The following EMILIN2 variants were observed in gnomAD, a reference collection of about 807,000 sequenced individuals.
EMILIN2 encodes the protein elastin microfibril interfacer 2.
A neutral mutation model predicts 87.1 loss-of-function variants in EMILIN2; 71 were observed. The observed-to-expected ratio is 0.82, with a 90% CI of 0.67 to 0.99. EMILIN2 has a LOEUF of 0.99. Among genes scored for constraint, EMILIN2 ranks in the 50% least tolerant of loss-of-function variants. The pLI is 0.00. For missense variants in EMILIN2, 1,407 were observed against 1,371.8 expected, an observed-to-expected ratio of 1.03 and a Z score of -0.40; for synonymous variants, 581 against 563.4, an observed-to-expected ratio of 1.03 and a Z score of -0.44.
In EMILIN2 at chr18:2,858,591, A is replaced by G. The variant is rs1231523504; in HGVS notation, c.257+10660A>G. Among the ~76,000 whole-genome samples the G allele has an allele frequency of 8.3e-4, 88 of 106,558 alleles. 7 individuals carry two copies. Among genetic ancestry groups the G allele is most frequent in the African/African-American group, 4.6e-3 (82 of 17,868 alleles). The allele number at this position is 106,558 out of a possible 152,430, so 69.9% of individuals were successfully genotyped here. On this transcript the variant is annotated intron_variant, in intron 2 of 7. Coordinates refer to ENST00000254528, the MANE Select transcript of EMILIN2 (RefSeq NM_032048.3). ...TATATGTGTGTGTGTGTGTATATAT[A>G]TATATATATATGTGTATATATATAT...
At position 2,906,813 on chromosome 18, in the gene EMILIN2, C is replaced by T; in HGVS notation, c.2390C>T (p.Ala797Val). 1 of 1,318,464 alleles carries T rather than the reference C, an allele frequency of 7.6e-7. No homozygotes were observed. The highest frequency in any genetic ancestry group is 9.6e-7 in the Non-Finnish European group (1 of 1,039,092). 81.7% of individuals were successfully genotyped at this position (1,318,464 alleles called of 1,614,324 possible). Residue 797 changes from alanine (A) to valine (V), a missense_variant, in exon 5 of 8, where the codon GCC (alanine) becomes GTC (valine). Physicochemically the swap from Ala to Val is moderately conservative, Grantham distance 64. Transcript: ENST00000254528. Reference sequence around the variant, plus strand: ...CCCTCGCCCCCGCCGCCCGCAGAGGCCCCGAAGGAGCCGCTGCAGCCCGAG... The same window carrying T: ...CCCTCGCCCCCGCCGCCCGCAGAGGTCCCGAAGGAGCCGCTGCAGCCCGAG... ...KAPSPPPPAE[A>V]PKEPLQPEPA...
At chr18:2,881,271 C>T (rs2076775609) in intron 2 of EMILIN2, among the ~76,000 whole-genome samples, 1 of 152,220 alleles carries the variant, frequency 6.6e-6, no homozygotes, top group Non-Finnish European at 1.5e-5. Flanking sequence ...TGGATTCCAA[C>T]TGTTGATGCC....
Position 2,847,354 on chromosome 18 carries a change from C to G in EMILIN2, c.134+32C>G. The stretch of plus-strand genomic sequence containing the variant: ...GCGCGCCCCTTGGCTGGCCCCAAAC[C>G]GCCTACCCCTCCCCGGCCCCCAGTT... On this transcript the variant is annotated intron_variant, in intron 1 of 7. Transcript: ENST00000254528. This position sits in a 1 kb window ranked among gnomAD's most constrained non-coding sequence, Gnocchi z 4.5. The G allele has an allele frequency of 7.7e-7, 1 of 1,291,882 alleles. No individual in the cohort carries two copies. The highest frequency in any genetic ancestry group is 9.8e-7 in the Non-Finnish European group (1 of 1,020,936). The allele number at this position is 1,291,882 out of a possible 1,614,324, so 80.0% of individuals were successfully genotyped here.
intron 2 of EMILIN2, among the ~76,000 whole-genome samples, chr18:2,874,145 C>T (rs574272507): frequency 2.6e-4 from 40 of 152,224 alleles, no homozygotes; most frequent in African/African-American, 9.4e-4. Flanking sequence ...CCACCTCCTC[C>T]ATCACCGCTC....
At chr18:2,901,537 G>A (rs2076888174) in intron 4 of EMILIN2, among the ~76,000 whole-genome samples, 1 of 152,202 alleles carries the variant, frequency 6.6e-6, no homozygotes, top group African/African-American at 2.4e-5. Context: ...TACACGTCAG[G>A]TTCACCCATG....
intron 2 of EMILIN2, among the ~76,000 whole-genome samples, chr18:2,873,020 A>G (rs995962789): frequency 6.6e-6 from 1 of 152,056 alleles, no homozygotes. Flanking sequence ...ATTTAAATAA[A>G]ACAACAAAAT....
rs1598506894 is a variant in EMILIN2, at chr18:2,908,392, GACCC to G, written c.2663-541_2663-538del. On this transcript the variant is annotated intron_variant, in intron 5 of 7. Coordinates refer to ENST00000254528, the MANE Select transcript of EMILIN2 (RefSeq NM_032048.3). ...TATGCAGAGGCTGGGGCACCCCAGG[GACCC>G]ACCCACCCATGTATCCATGCACATA... 2.0e-5 allele frequency among the ~76,000 whole-genome samples: 3 copies of G among 152,128 alleles called. No homozygotes were observed. In the East Asian group the frequency reaches 5.8e-4, roughly 29 times the overall value.
At position 2,907,052 on chromosome 18, in the gene EMILIN2, G is replaced by A. The variant is rs958066404; in HGVS notation, c.2629G>A (p.Val877Ile). The A allele has an allele frequency of 3.1e-6, 4 of 1,273,496 alleles. No homozygotes were observed. Among genetic ancestry groups the A allele is most frequent in the African/African-American group, 1.6e-5 (1 of 64,506 alleles). 78.9% of individuals were successfully genotyped at this position (1,273,496 alleles called of 1,614,324 possible). Residue 877 changes from valine to isoleucine, a missense_variant, in exon 5 of 8, where the codon GTC becomes ATC. By Grantham distance (29) the Val-to-Ile change is conservative. Coordinates refer to ENST00000254528, the MANE Select transcript of EMILIN2 (RefSeq NM_032048.3). ...GGACGGCCAGACCGGGAGCGGCACC[G>A]TCCCCGGCGCAGAAGGCTTCGCGGG... ...GVDGQTGSGT[V>I]PGAEGFAGAP...
At chr18:2,879,247 A>G (rs191771101) in intron 2 of EMILIN2, among the ~76,000 whole-genome samples, 333 of 152,334 alleles carry the variant, frequency 2.2e-3, no homozygotes, top group African/African-American at 7.5e-3. Context: ...TTCTGCGATG[A>G]TGGAGATGTT....
Position 2,891,787 on chromosome 18 carries a change from C to T in EMILIN2, c.1660C>T (p.Leu554=), listed in dbSNP as rs780329594. 6.2e-7 allele frequency: 1 copy of T among 1,614,202 alleles called. No individual in the cohort carries two copies. ...DKVQVVEDIC[L]LNIQGKPHGM... ...AGTTCAAGTTGTTGAAGACATTTGCCTGCTGAACATCCAGGGAAAGCCTCA... is the reference window on the plus strand; with the variant it reads ...AGTTCAAGTTGTTGAAGACATTTGCTTGCTGAACATCCAGGGAAAGCCTCA... The change falls in exon 4 of 8, where the codon CTG becomes TTG. Residue 554 remains leucine, a synonymous_variant. Coordinates refer to ENST00000254528, the MANE Select transcript of EMILIN2 (RefSeq NM_032048.3). The surrounding 1 kb of genome is among the most constrained non-coding windows in gnomAD (Gnocchi z 4.6).
intron 2 of EMILIN2, among the ~76,000 whole-genome samples, chr18:2,865,898 C>T (rs921683213): frequency 4.6e-5 from 7 of 152,224 alleles, no homozygotes; most frequent in East Asian, 1.9e-4. Context: ...CCTACTCAAG[C>T]GTCGGCAATG....
intron 2 of EMILIN2, among the ~76,000 whole-genome samples, chr18:2,871,227 T>A (rs1022633299): frequency 6.6e-6 from 1 of 152,106 alleles, no homozygotes; most frequent in Admixed American, 6.6e-5. Flanking sequence ...ATTGGGGACA[T>A]CATCAAATTT....
chr18:2,889,128 CTTTTCTTTTTTTT>C (rs1358751681), intron 3 of EMILIN2, among the ~76,000 whole-genome samples: 3,033 of 82,978 alleles, frequency 0.037, 95 homozygotes, highest in African/African-American at 0.12. Context: ...TCATTTCTTT[CTTTTCTTTTTTTT>C]TTTTTTTTTT....
At chr18:2,896,236 C>T (rs545275171) in intron 4 of EMILIN2, among the ~76,000 whole-genome samples, 14 of 152,096 alleles carry the variant, frequency 9.2e-5, no homozygotes, top group South Asian at 2.1e-4. Context: ...AGTGCAGTGG[C>T]GTGATCTTGG....
chr18:2,849,991 A>G (rs1362536626), intron 2 of EMILIN2, among the ~76,000 whole-genome samples: 1 of 151,860 alleles, frequency 6.6e-6, no homozygotes, highest in Non-Finnish European at 1.5e-5. Flanking sequence ...CAGTGGCGTG[A>G]TCTTGGCTCA....
chr18:2,889,942 C>G (rs2076825887), intron 3 of EMILIN2, among the ~76,000 whole-genome samples: 1 of 152,100 alleles, frequency 6.6e-6, no homozygotes, highest in African/African-American at 2.4e-5. Flanking sequence ...TTTTGTCTCC[C>G]AAACTGCAAG....
In EMILIN2 at chr18:2,892,608, A is replaced by G. The variant is rs1440309000; in HGVS notation, c.2359+122A>G. ...CTTCATGAGGTAAAAATGTGACAGT[A>G]TTATGCTAGATTTTGGACAGTTCAC... On this transcript the variant is annotated intron_variant, in intron 4 of 7. Coordinates refer to ENST00000254528, the MANE Select transcript of EMILIN2 (RefSeq NM_032048.3). 4 of 1,342,534 alleles carry G rather than the reference A, an allele frequency of 3.0e-6. No individual in the cohort carries two copies. In the African/African-American group the frequency reaches 5.9e-5, roughly 20 times the overall value. The allele number at this position is 1,342,534 out of a possible 1,614,324, so 83.2% of individuals were successfully genotyped here. A position where few individuals can be genotyped will look rare whatever the true frequency, so the allele number is the denominator to read the frequency against.
rs758167177 is a variant in EMILIN2, at chr18:2,915,967, G to T, written c.*2563G>T. The T allele has an allele frequency of 4.6e-5, 7 of 152,184 alleles. No individual in the cohort carries two copies. The highest frequency in any genetic ancestry group is 2.0e-4 in the Admixed American group (3 of 15,280). 9.4% of individuals were successfully genotyped at this position (152,184 alleles called of 1,614,324 possible). A position where few individuals can be genotyped will look rare whatever the true frequency, so the allele number is the denominator to read the frequency against. ...ACACGATTAAAAACAAAATGGTATC[G>T]TCAATAAATGCAAACCTTAAACTGC... On this transcript the variant is annotated 3_prime_UTR_variant, in exon 8 of 8. Transcript: ENST00000254528.
intron 2 of EMILIN2, among the ~76,000 whole-genome samples, chr18:2,857,554 C>T (rs543495543): frequency 2.4e-4 from 36 of 152,200 alleles, no homozygotes; most frequent in Middle Eastern, 3.4e-3. Context: ...TATCTTGAAA[C>T]GGAGGAGGAA....
Sources: allele counts gnomAD v4.1 joint callset (sites outside exome capture counted in the v4.1 genomes callset), GRCh38; gene constraint gnomAD v4.1.1; non-coding constraint Gnocchi (gnomAD v3.1); transcripts MANE v1.5; gene names NCBI Gene and HGNC (gene_info 2026-07-23, HGNC 2026-07-21).